The following FAN1 variants were observed in gnomAD, a reference collection of about 807,000 sequenced individuals.
The protein encoded by FAN1 is FANCD2 and FANCI associated nuclease 1.
FAN1 carries 91 observed loss-of-function variants against 104.9 expected under a neutral mutation model. That is an observed-to-expected ratio of 0.87 (90% CI 0.73 to 1.03). The LOEUF (loss-of-function observed/expected upper bound fraction) is 1.03, where lower values mean the gene tolerates loss of function less well. Ranked by LOEUF, FAN1 falls within the 50% of genes least tolerant of loss-of-function variation. The probability of loss-of-function intolerance (pLI) is 0.00; values close to 1 mark genes in which losing one functional copy is unlikely to be tolerated. For synonymous variants in FAN1, 478 were observed against 457.6 expected (o/e 1.04, Z -0.57); for missense variants, 1,263 against 1,239.9 (o/e 1.02, Z -0.28).
chr15:30,927,349 C>G, intron 10 of FAN1: 3 of 985,522 alleles, frequency 3.0e-6, no homozygotes, highest in Non-Finnish European at 3.6e-6. Flanking sequence ...ATGAAGTGTT[C>G]TAGGAAGAAA....
rs377687353 is a variant in FAN1, at chr15:30,941,730, G to A, written c.*168G>A. 8.1e-5 allele frequency: 130 copies of A among 1,613,844 alleles called. No individual in the cohort carries two copies. The highest frequency in any genetic ancestry group is 1.1e-4 in the Non-Finnish European group (126 of 1,179,886). ...CGCTGTTGCCGCAGCATCCTGCTCA[G>A]TACGTCGACTTCATCAGCCAGGAGG... On this transcript the variant is annotated 3_prime_UTR_variant, in exon 15 of 15. Transcript: ENST00000362065.
At chr15:30,920,697 G>T in intron 7 of FAN1, 44 bp downstream of exon 7, 5 of 1,169,586 alleles carry the variant, frequency 4.3e-6, no homozygotes, top group Non-Finnish European at 6.3e-6. Context: ...TGATGTGATG[G>T]CGTTAAACAT....
At chr15:30,923,372 A>G (rs1344692988) in intron 8 of FAN1, among the ~76,000 whole-genome samples, 3 of 152,150 alleles carry the variant, frequency 2.0e-5, no homozygotes, top group Admixed American at 2.0e-4. Flanking sequence ...CTTTCTTTCA[A>G]TGAAATAAAA....
Position 30,941,596 on chromosome 15 carries a change from G to A in FAN1, c.*34G>A. 6.2e-7 allele frequency: 1 copy of A among 1,600,024 alleles called. No individual in the cohort carries two copies. Among genetic ancestry groups the A allele is most frequent in the Non-Finnish European group, 8.5e-7 (1 of 1,172,848 alleles). The stretch of plus-strand genomic sequence containing the variant: ...CTACAGGAGAAAATGGAAATGAGGA[G>A]GAGAGAAACTCCGGTGTCCCCGAGG... On this transcript the variant is annotated 3_prime_UTR_variant, in exon 15 of 15. Coordinates refer to ENST00000362065, the MANE Select transcript of FAN1 (RefSeq NM_014967.5).
At chr15:30,913,387 G>T (rs1450150448) in intron 4 of FAN1, among the ~76,000 whole-genome samples, 1 of 152,178 alleles carries the variant, frequency 6.6e-6, no homozygotes, top group Admixed American at 6.6e-5. Flanking sequence ...CTGCGCTAGA[G>T]AACAGCACCA....
In FAN1 at chr15:30,918,161, C is replaced by G; in HGVS notation, c.1812-3C>G. 6.2e-7 allele frequency: 1 copy of G among 1,613,750 alleles called. No homozygotes were observed. The highest frequency in any genetic ancestry group is 1.7e-4 in the Middle Eastern group (1 of 5,858). On this transcript the variant is annotated splice_region_variant and splice_polypyrimidine_tract_variant and intron_variant, in intron 5 of 14. Coordinates refer to ENST00000362065, the MANE Select transcript of FAN1 (RefSeq NM_014967.5). ...TTGGAACTTGGATGGCATTTTCCTCCAGATATGCAGCAGCCACGCACATGC... is the reference window on the plus strand; with the variant it reads ...TTGGAACTTGGATGGCATTTTCCTCGAGATATGCAGCAGCCACGCACATGC...
At chr15:30,912,289 C>G (rs367879351) in intron 4 of FAN1, among the ~76,000 whole-genome samples, 1 of 152,166 alleles carries the variant, frequency 6.6e-6, no homozygotes, top group Admixed American at 6.5e-5. Context: ...CCTGCCAGCC[C>G]CACGCTAGGG....
In FAN1 at chr15:30,939,996, A is replaced by G. The variant is rs1254145587; in HGVS notation, c.*4-1570A>G. 3 of 977,920 alleles carry G rather than the reference A, an allele frequency of 3.1e-6. No individual in the cohort carries two copies. In the African/African-American group the frequency reaches 5.3e-5, roughly 17 times the overall value. The allele number at this position is 977,920 out of a possible 1,614,324, so 60.6% of individuals were successfully genotyped here. ...CATTATCAAATTTTAAAAGGCAAAT[A>G]ATTCAAAAAGAAACAGCTATTCAGT... On this transcript the variant is annotated intron_variant, in intron 14 of 14. Transcript: ENST00000362065.
rs1470598822 is a variant in FAN1, at chr15:30,925,264, A to C, written c.2310A>C (p.Pro770=). The C allele has an allele frequency of 6.2e-7, 1 of 1,614,182 alleles. No individual in the cohort carries two copies. Among genetic ancestry groups the C allele is most frequent in the South Asian group, 1.1e-5 (1 of 91,074 alleles). ...KKFKHLFQQL[P]EMAVQDVKHV... Reference sequence around the variant, plus strand: ...TCAAGCACCTCTTCCAGCAGCTCCCAGAAATGGCTGTGCAAGATGTGAAAC... The same window carrying C: ...TCAAGCACCTCTTCCAGCAGCTCCCCGAAATGGCTGTGCAAGATGTGAAAC... Residue 770 remains proline, a synonymous_variant, in exon 9 of 15, where the codon CCA becomes CCC. Transcript: ENST00000362065.
At chr15:30,911,593 T>G in intron 4 of FAN1, 1 of 958,168 alleles carries the variant, frequency 1.0e-6, no homozygotes, top group Non-Finnish European at 1.2e-6. Flanking sequence ...GTTATAGATT[T>G]TTAAAAAGTA....
chr15:30,927,802 G>C (rs2062503196), intron 10 of FAN1: 2 of 985,792 alleles, frequency 2.0e-6, no homozygotes, highest in Non-Finnish European at 2.4e-6. Context: ...GCTGGGGCTT[G>C]CTCAGGGACA....
At position 30,937,156 on chromosome 15, in the gene FAN1, A is replaced by T; in HGVS notation, c.2954A>T (p.His985Leu). 6.2e-7 allele frequency: 1 copy of T among 1,614,052 alleles called. No homozygotes were observed. The highest frequency in any genetic ancestry group is 8.5e-7 in the Non-Finnish European group (1 of 1,179,948). Reference protein sequence around the residue: ...EVKGPNDRLSHKQMIWLAELQ... With the variant: ...EVKGPNDRLSLKQMIWLAELQ... ...AAAGGCCCCAATGATCGTCTTTCAC[A>T]TAAGCAGATGATCTGGCTGGCTGAA... Residue 985 changes from histidine (H) to leucine (L), a missense_variant, in exon 14 of 15, where the codon CAT becomes CTT. By Grantham distance (99) the His-to-Leu change is moderately conservative. This residue lies in a region of FAN1 where 581 missense variants were observed against 668.8 expected (regional missense o/e 0.87). Transcript: ENST00000362065.
At chr15:30,929,651 ATAT>A (rs2062575075) in intron 12 of FAN1, among the ~76,000 whole-genome samples, 1 of 70,662 alleles carries the variant, frequency 1.4e-5, no homozygotes, top group South Asian at 3.8e-4. Context: ...ACAATATATA[ATAT>A]AATATATGAA....
intron 4 of FAN1, chr15:30,911,810 T>A: frequency 1.5e-6 from 1 of 659,144 alleles, no homozygotes; most frequent in East Asian, 1.4e-4. Flanking sequence ...ACACCTGTAA[T>A]CCCAGCACTT....
chr15:30,942,736 A>ACAGT lies in FAN1; in HGVS notation c.*1177_*1180dup. 2.7e-6 allele frequency: 2 copies of ACAGT among 739,768 alleles called. No homozygotes were observed. Among genetic ancestry groups the ACAGT allele is most frequent in the Non-Finnish European group, 4.1e-6 (2 of 485,690 alleles). 45.8% of individuals were successfully genotyped at this position (739,768 alleles called of 1,614,324 possible). A position where few individuals can be genotyped will look rare whatever the true frequency, so the allele number is the denominator to read the frequency against. ...CAGACACCAGGAAGAAAGCTGGGAT[A>ACAGT]CAGTCATTTGAGTTAAAAAGGGAAT... On this transcript the variant is annotated 3_prime_UTR_variant, in exon 15 of 15. Transcript: ENST00000362065.
At position 30,930,448 on chromosome 15, in the gene FAN1, A is replaced by G. The variant is rs1489074385; in HGVS notation, c.2788-95A>G. ...GGGGTCCATGTGCACTGAATTACAT[A>G]TACACTGAGCTTTTCTCCGTCTCGT... On this transcript the variant is annotated intron_variant, in intron 12 of 14. Transcript: ENST00000362065. 5.6e-6 allele frequency: 8 copies of G among 1,437,858 alleles called. No individual in the cohort carries two copies. The African/African-American group carries it at 5.7e-5, about 10-fold the overall frequency. 89.1% of individuals were successfully genotyped at this position (1,437,858 alleles called of 1,614,324 possible).
chr15:30,923,006 C>A (rs778875080), intron 8 of FAN1, among the ~76,000 whole-genome samples: 73 of 152,214 alleles, frequency 4.8e-4, no homozygotes, highest in Non-Finnish European at 1.0e-3. Context: ...TGTGTGGCCG[C>A]CAGCAGGCCC....
chr15:30,927,505 G>A (rs2140940505), intron 10 of FAN1: 5 of 985,788 alleles, frequency 5.1e-6, no homozygotes, highest in South Asian at 4.7e-5. Flanking sequence ...GTGCAGGACA[G>A]AGGTGACCCA....
In FAN1 at chr15:30,921,839, A is replaced by G. The variant is rs1381641974; in HGVS notation, c.2053-396A>G. On this transcript the variant is annotated intron_variant, in intron 7 of 14. Transcript: ENST00000362065. ...CCTCATTACTTTCCTGCCCACCCCA[A>G]ATCCCTCTTGCAGTTGGTCCTGTGA... Among the ~76,000 whole-genome samples, 5 of 152,180 alleles carry G rather than the reference A, an allele frequency of 3.3e-5. No individual in the cohort carries two copies. In the East Asian group the frequency reaches 7.7e-4, roughly 23 times the overall value.
Sources: gnomAD v4.1 joint callset for allele counts (sites outside exome capture counted in the v4.1 genomes callset) on GRCh38, gnomAD v4.1.1 for gene constraint, gnomAD v4.1.1 regional missense constraint, MANE v1.5 for transcripts, NCBI Gene and HGNC (gene_info 2026-07-23, HGNC 2026-07-21) for gene names.